Variants in MAPK10 observed in about 807,000 individuals in gnomAD.
The protein encoded by MAPK10 is mitogen-activated protein kinase 10.
Under a neutral mutation model 59.3 loss-of-function variants are expected in MAPK10, and 25 were observed. That is an observed-to-expected ratio of 0.42 (90% CI 0.31 to 0.59). The LOEUF is 0.59. Ranked by LOEUF, MAPK10 falls within the 20% of genes least tolerant of loss-of-function variation. The probability of loss-of-function intolerance (pLI) is 0.15; values close to 1 mark genes in which losing one functional copy is unlikely to be tolerated. For synonymous variants in MAPK10, 190 were observed against 200.5 expected, an observed-to-expected ratio of 0.95 and a Z score of 0.44; for missense variants, 351 against 568.9, an observed-to-expected ratio of 0.62 and a Z score of 3.90.
At chr4:86,155,913 C>G (rs1019944371) in intron 4 of MAPK10, among the ~76,000 whole-genome samples, 3 of 151,942 alleles carry the variant, frequency 2.0e-5, no homozygotes, top group African/African-American at 7.2e-5. Flanking sequence ...GCTCTGATAA[C>G]TGAGACTGCC....
At chr4:86,040,396 A>G (rs2041271328) in intron 11 of MAPK10, among the ~76,000 whole-genome samples, 1 of 152,190 alleles carries the variant, frequency 6.6e-6, no homozygotes, top group South Asian at 2.1e-4. Context: ...TTGATGAAGG[A>G]GAAGAAAGAA....
chr4:86,215,856 C>T (rs932135065), intron 2 of MAPK10, among the ~76,000 whole-genome samples: 1 of 152,206 alleles, frequency 6.6e-6, no homozygotes, highest in African/African-American at 2.4e-5. Context: ...ATTGAGACTC[C>T]ATCTCAAAAA....
intron 2 of MAPK10, among the ~76,000 whole-genome samples, chr4:86,297,270 A>G (rs1357737162): frequency 6.6e-6 from 1 of 152,198 alleles, no homozygotes; most frequent in Admixed American, 6.6e-5. Context: ...CATAAAAACT[A>G]TAAGCATAAA....
intron 1 of MAPK10, among the ~76,000 whole-genome samples, chr4:86,511,964 A>G (rs1756308857): frequency 6.6e-6 from 1 of 152,082 alleles, no homozygotes; most frequent in African/African-American, 2.4e-5. Context: ...AAGTTGATTA[A>G]TTAATTTTTT....
intron 2 of MAPK10, among the ~76,000 whole-genome samples, chr4:86,236,992 C>T (rs1416554774): frequency 6.6e-6 from 1 of 152,006 alleles, no homozygotes; most frequent in Non-Finnish European, 1.5e-5. Context: ...TCCCCTAGAC[C>T]CCCCATCCCC....
chr4:86,356,222 G>A (rs994560064), intron 1 of MAPK10, among the ~76,000 whole-genome samples: 3 of 152,156 alleles, frequency 2.0e-5, no homozygotes, highest in Admixed American at 6.5e-5. Flanking sequence ...TCAGGAGACT[G>A]TATTCATTTC....
At chr4:86,495,127 C>T (rs928276335) in intron 1 of MAPK10, among the ~76,000 whole-genome samples, 1 of 152,026 alleles carries the variant, frequency 6.6e-6, no homozygotes, top group Non-Finnish European at 1.5e-5. Context: ...TTAGGGTATA[C>T]CTCCAACATG....
At chr4:86,364,513 A>G (rs543651543), upstream of MAPK10, among the ~76,000 whole-genome samples, 2 of 152,282 alleles carry the variant, frequency 1.3e-5, no homozygotes, top group East Asian at 1.9e-4. Context: ...CCTTCCACAT[A>G]TATTTTGGTG....
intron 1 of MAPK10, among the ~76,000 whole-genome samples, chr4:86,432,242 G>A (rs1369829298): frequency 6.6e-6 from 1 of 151,952 alleles, no homozygotes; most frequent in Admixed American, 6.6e-5. Flanking sequence ...GTCAGTTGGG[G>A]GCATAAGAAT....
chr4:86,334,253 G>A (rs916748879), intron 2 of MAPK10, among the ~76,000 whole-genome samples: 3 of 152,028 alleles, frequency 2.0e-5, no homozygotes, highest in African/African-American at 4.8e-5. Context: ...AAATGCAAAC[G>A]AGTCCTGCAG....
intron 3 of MAPK10, among the ~76,000 whole-genome samples, chr4:86,186,937 C>G (rs2078379704): frequency 6.6e-6 from 1 of 152,046 alleles, no homozygotes; most frequent in African/African-American, 2.4e-5. Flanking sequence ...CTTACTTTCC[C>G]TTCTAGGTTA....
At chr4:86,350,506 G>A (rs1166666000) in intron 2 of MAPK10, among the ~76,000 whole-genome samples, 4 of 151,906 alleles carry the variant, frequency 2.6e-5, no homozygotes, top group Non-Finnish European at 2.9e-5. Context: ...GAGCCACCAC[G>A]TCTGGCCAAT....
chr4:86,176,246 T>C (rs1189838064), intron 3 of MAPK10, among the ~76,000 whole-genome samples: 1 of 152,094 alleles, frequency 6.6e-6, no homozygotes, highest in Non-Finnish European at 1.5e-5. Context: ...GAACATAATA[T>C]AGAAAAGAAT....
chr4:86,445,011 C>T (rs570574033), intron 1 of MAPK10, among the ~76,000 whole-genome samples: 6 of 152,234 alleles, frequency 3.9e-5, no homozygotes, highest in African/African-American at 7.2e-5. Context: ...GACAGTGTGG[C>T]GATTCCTGAA....
At chr4:86,159,624 G>T (rs1189149285) in intron 3 of MAPK10, among the ~76,000 whole-genome samples, 157 bp from the exon 4 acceptor site, 1 of 151,932 alleles carries the variant, frequency 6.6e-6, no homozygotes, top group Non-Finnish European at 1.5e-5. Flanking sequence ...ATCAGTCCAT[G>T]CAAGATTACC....
At chr4:86,065,690 T>G (rs980995904) in intron 10 of MAPK10, 54 of 152,290 alleles carry the variant, frequency 3.5e-4, no homozygotes, top group African/African-American at 1.1e-3. Context: ...CCCCTAGTCT[T>G]TTACATAAAG....
At chr4:86,113,098 C>T (rs1252532357) in intron 4 of MAPK10, among the ~76,000 whole-genome samples, 2 of 151,992 alleles carry the variant, frequency 1.3e-5, no homozygotes, top group East Asian at 3.9e-4. Context: ...TTATTTTGAG[C>T]CTATGTGTGT....
At chr4:86,247,204 C>T (rs997128656) in intron 2 of MAPK10, among the ~76,000 whole-genome samples, 1 of 152,220 alleles carries the variant, frequency 6.6e-6, no homozygotes, top group Non-Finnish European at 1.5e-5. Flanking sequence ...TGCTCTGTCT[C>T]TGTCTCTGTA....
chr4:86,254,746 C>T (rs893914236), intron 2 of MAPK10, among the ~76,000 whole-genome samples: 44 of 149,158 alleles, frequency 2.9e-4, no homozygotes, highest in African/African-American at 2.8e-4. Context: ...CTTTCTGTCT[C>T]GTTGATCTGT....
Sources: gnomAD v4.1 joint callset for allele counts (sites outside exome capture counted in the v4.1 genomes callset) on GRCh38, gnomAD v4.1.1 for gene constraint, MANE v1.5 for transcripts, NCBI Gene and HGNC (gene_info 2026-07-23, HGNC 2026-07-21) for gene names.